The following COL5A2 variants were observed in gnomAD, a reference collection of about 807,000 sequenced individuals.
COL5A2 encodes collagen alpha-2(V) chain.
In COL5A2, 23 loss-of-function variants were observed where a neutral mutation model predicts 208.2. That is an observed-to-expected ratio of 0.11 (90% CI 0.08 to 0.16). The LOEUF is 0.16. COL5A2 is among the 10% of genes least tolerant of loss of function. COL5A2 has a pLI of 1.00. For missense variants in COL5A2, 1,590 were observed against 1,956.4 expected (o/e 0.81, Z 3.53); for synonymous variants, 625 against 628.5 (o/e 0.99, Z 0.08).
At chr2:189,128,046 A>G (rs551422461) in intron 1 of COL5A2, among the ~76,000 whole-genome samples, 2 of 152,132 alleles carry the variant, frequency 1.3e-5, no homozygotes, top group South Asian at 2.1e-4. Context: ...GAGTAAGCAT[A>G]TAATACTGCA....
At chr2:189,310,011 AAC>A in the COL5A2 span, among the ~76,000 whole-genome samples, 1 of 152,230 alleles carries the variant, frequency 6.6e-6, no homozygotes, top group Non-Finnish European at 1.5e-5. Flanking sequence ...TAGTTTGTTA[AAC>A]ACACAGCAAT....
chr2:189,103,180 C>T (rs376544242), intron 3 of COL5A2, among the ~76,000 whole-genome samples: 3 of 152,032 alleles, frequency 2.0e-5, no homozygotes, highest in African/African-American at 4.8e-5. Flanking sequence ...TTGTTCAAGG[C>T]CTATACCAAT....
At chr2:189,368,337 A>G in the COL5A2 span, among the ~76,000 whole-genome samples, 1 of 152,308 alleles carries the variant, frequency 6.6e-6, no homozygotes, top group African/African-American at 2.4e-5. Context: ...AATAAAAACC[A>G]TCCACATCAC....
At chr2:189,376,994 A>G in the COL5A2 span, among the ~76,000 whole-genome samples, 3 of 152,224 alleles carry the variant, frequency 2.0e-5, no homozygotes, top group African/African-American at 7.2e-5. Context: ...AATTACGTGC[A>G]TGAGTGATCT....
the COL5A2 span, among the ~76,000 whole-genome samples, chr2:189,286,892 T>C: frequency 6.6e-6 from 1 of 152,054 alleles, no homozygotes; most frequent in Admixed American, 6.6e-5. Context: ...AGGAAGAAAT[T>C]TTTACCTATT....
chr2:189,346,889 G>A, the COL5A2 span, among the ~76,000 whole-genome samples: 4 of 152,196 alleles, frequency 2.6e-5, no homozygotes, highest in Non-Finnish European at 5.9e-5. Flanking sequence ...GGCATTTCTG[G>A]AAGTGCCAAC....
At chr2:189,353,199 T>C in the COL5A2 span, among the ~76,000 whole-genome samples, 1 of 152,114 alleles carries the variant, frequency 6.6e-6, no homozygotes, top group Admixed American at 6.6e-5. Flanking sequence ...TAGCCTTGTA[T>C]TGTAGTTCAA....
At chr2:189,323,841 C>T in the COL5A2 span, among the ~76,000 whole-genome samples, 1 of 151,966 alleles carries the variant, frequency 6.6e-6, no homozygotes, top group Non-Finnish European at 1.5e-5. Flanking sequence ...CATATGGAAC[C>T]AAAAAAGAGC....
At chr2:189,358,863 T>C in the COL5A2 span, among the ~76,000 whole-genome samples, 1 of 152,190 alleles carries the variant, frequency 6.6e-6, no homozygotes, top group East Asian at 1.9e-4. Context: ...TGATTTTTTT[T>C]TTCAGATTGT....
chr2:189,415,616 C>A, the COL5A2 span, among the ~76,000 whole-genome samples: 1 of 152,144 alleles, frequency 6.6e-6, no homozygotes, highest in Non-Finnish European at 1.5e-5. Flanking sequence ...GTTGTTGAAT[C>A]ATAACATGTC....
chr2:189,197,219 G>T (rs1034196715), intron 1 of COL5A2, among the ~76,000 whole-genome samples: 1 of 152,124 alleles, frequency 6.6e-6, no homozygotes, highest in Non-Finnish European at 1.5e-5. Flanking sequence ...ACTCATAAGT[G>T]GGAGTTGAAC....
the COL5A2 span, among the ~76,000 whole-genome samples, chr2:189,376,644 G>A: frequency 3.3e-5 from 5 of 152,042 alleles, no homozygotes; most frequent in African/African-American, 1.2e-4. Context: ...AATATAGAAA[G>A]GTTTGTACAA....
chr2:189,115,438 T>C (rs1419327054), intron 1 of COL5A2, among the ~76,000 whole-genome samples: 1 of 149,824 alleles, frequency 6.7e-6, no homozygotes, highest in Non-Finnish European at 1.5e-5. Flanking sequence ...GAAACGGCCA[T>C]ATTGAAACCT....
At chr2:189,092,257 C>A in intron 7 of COL5A2, 53 bp downstream of exon 7, 2 of 1,099,646 alleles carry the variant, frequency 1.8e-6, no homozygotes, top group Non-Finnish European at 2.7e-6. Context: ...AACAATATAT[C>A]AATAATTTAA....
At chr2:189,097,020 G>A (rs1686932826) in intron 6 of COL5A2, among the ~76,000 whole-genome samples, 1 of 152,148 alleles carries the variant, frequency 6.6e-6, no homozygotes, top group Non-Finnish European at 1.5e-5. Flanking sequence ...TCTTGGCATT[G>A]CTTACTCATG....
At chr2:189,425,852 T>A in the COL5A2 span, among the ~76,000 whole-genome samples, 1 of 152,154 alleles carries the variant, frequency 6.6e-6, no homozygotes, top group South Asian at 2.1e-4. Context: ...GATGCCTCAC[T>A]CCCCCTTTGC....
At chr2:189,071,996 A>C in intron 18 of COL5A2, 44 bp downstream of exon 18, 1 of 1,269,722 alleles carries the variant, frequency 7.9e-7, no homozygotes, top group Non-Finnish European at 1.1e-6. Flanking sequence ...GGACTCATGT[A>C]ATCATGTAGC....
chr2:189,392,973 C>A, the COL5A2 span, among the ~76,000 whole-genome samples: 1 of 152,092 alleles, frequency 6.6e-6, no homozygotes, highest in Non-Finnish European at 1.5e-5. Context: ...CTATGTTCCC[C>A]ATATAGTCAT....
chr2:189,286,383 T>C, the COL5A2 span, among the ~76,000 whole-genome samples: 2 of 152,104 alleles, frequency 1.3e-5, no homozygotes, highest in African/African-American at 4.8e-5. Flanking sequence ...TAACTTACAG[T>C]GAATGGAAAA....
Sources: allele counts gnomAD v4.1 joint callset (sites outside exome capture counted in the v4.1 genomes callset), GRCh38; gene constraint gnomAD v4.1.1; transcripts MANE v1.5; gene names NCBI Gene and HGNC (gene_info 2026-07-23, HGNC 2026-07-21).